WDR35: variants seen among roughly 807,000 people sequenced by gnomAD.
The protein encoded by WDR35 is WD repeat-containing protein 35.
In WDR35, 118 loss-of-function variants were observed where a neutral mutation model predicts 158.3. The ratio of observed to expected loss-of-function variants is 0.75; its 90% CI spans 0.64 to 0.87. WDR35 has a LOEUF of 0.87. Among genes scored for constraint, WDR35 ranks in the 40% least tolerant of loss-of-function variants. WDR35 has a pLI of 0.00. For synonymous variants in WDR35, 448 were observed against 476.1 expected (o/e 0.94, Z 0.77); for missense variants, 1,263 against 1,405.8 (o/e 0.90, Z 1.62).
chr2:19,918,461 A>G (rs1029865312), intron 25 of WDR35, among the ~76,000 whole-genome samples: 11 of 152,210 alleles, frequency 7.2e-5, no homozygotes, highest in Non-Finnish European at 1.2e-4. Context: ...TTGGATAGTC[A>G]AGACCTATTG....
chr2:19,976,813 T>A (rs10197385), intron 5 of WDR35, among the ~76,000 whole-genome samples: 15,754 of 140,104 alleles, frequency 0.11, 921 homozygotes, highest in South Asian at 0.22. Flanking sequence ...ATCCCTTAAA[T>A]GTTGCTGATT....
chr2:19,925,281 A>G (rs1314010731), intron 25 of WDR35, among the ~76,000 whole-genome samples: 1 of 152,248 alleles, frequency 6.6e-6, no homozygotes, highest in Admixed American at 6.5e-5. Context: ...TCAAATTGTT[A>G]TATCTACTTC....
intron 11 of WDR35, among the ~76,000 whole-genome samples, chr2:19,959,247 AAAAC>A (rs149485450): frequency 0.084 from 12,837 of 152,114 alleles, 631 homozygotes; most frequent in East Asian, 0.23. Flanking sequence ...TTATTTTAAA[AAAAC>A]AGTCTACTTG....
chr2:19,917,744 G>T (rs1252247142), intron 25 of WDR35, among the ~76,000 whole-genome samples: 5 of 152,208 alleles, frequency 3.3e-5, no homozygotes, highest in Non-Finnish European at 7.3e-5. Flanking sequence ...ATGGGACTAT[G>T]TGAAAAGGCC....
At chr2:19,978,129 A>T (rs1672267704) in intron 5 of WDR35, among the ~76,000 whole-genome samples, 1 of 152,098 alleles carries the variant, frequency 6.6e-6, no homozygotes, top group Non-Finnish European at 1.5e-5. Context: ...TCCTAAAATG[A>T]TAGCTGTTGC....
At chr2:19,962,891 A>G (rs1316499565) in intron 10 of WDR35, among the ~76,000 whole-genome samples, 1 of 152,160 alleles carries the variant, frequency 6.6e-6, no homozygotes, top group East Asian at 1.9e-4. Context: ...TTTCATTTTT[A>G]TCAGTTATAC....
chr2:19,959,744 C>T (rs1671573388), intron 11 of WDR35, among the ~76,000 whole-genome samples: 1 of 151,056 alleles, frequency 6.6e-6, no homozygotes, highest in Non-Finnish European at 1.5e-5. Context: ...GCTAAATGTC[C>T]AATATGAAAA....
rs75933926 is a variant in WDR35 at position 19,948,073 on chromosome 2, G to A, written c.1524+91C>T. ...CTGCTTCAGCTTCCCAAGTAACTGT[G>A]ATTACAGACATGGGGCACACACCTG... On this transcript the variant is annotated intron_variant, in intron 14 of 26. Coordinates refer to ENST00000281405, the MANE Select transcript of WDR35 (RefSeq NM_020779.4). 55,149 of 1,027,940 alleles carry A rather than the reference G, an allele frequency of 0.054. 1,833 individuals carry two copies. Among genetic ancestry groups the A allele is most frequent in the Non-Finnish European group, 0.062 (43,405 of 699,442 alleles). 63.7% of individuals were successfully genotyped at this position (1,027,940 alleles called of 1,614,324 possible).
chr2:19,913,768 T>G, intron 26 of WDR35, 60 bp from the exon 27 acceptor site: 8 of 1,601,608 alleles, frequency 5.0e-6, no homozygotes, highest in Non-Finnish European at 6.8e-6. Context: ...TCTAACTTTA[T>G]TTAATACACT....
At chr2:19,947,797 T>C (rs949888092) in intron 14 of WDR35, among the ~76,000 whole-genome samples, 4 of 152,198 alleles carry the variant, frequency 2.6e-5, no homozygotes, top group African/African-American at 9.6e-5. Flanking sequence ...AAACTGTAAG[T>C]GTACTCTGTC....
At chr2:19,989,803 G>T (rs1459641940) in intron 1 of WDR35, among the ~76,000 whole-genome samples, 189 bp downstream of exon 1, 1 of 152,164 alleles carries the variant, frequency 6.6e-6, no homozygotes, top group Non-Finnish European at 1.5e-5. Flanking sequence ...CAGCAAGCTC[G>T]GCCAAAGACT....
At position 19,914,054 on chromosome 2, in the gene WDR35, C is replaced by T. The variant is rs746128772; in HGVS notation, c.3345G>A (p.Leu1115=). ...TAGCCTACCCTTCCATAAGGCTGTC[C>T]AATTCAGGTTTTCTGTTATCTTTTG... ...HTSKDNRKPE[L]DSLMEGGEGK... is the part of the protein sequence containing the mutation. The change falls in exon 26 of 27, where the codon TTG becomes TTA. Residue 1115 remains leucine, a synonymous_variant. Transcript: ENST00000281405. 8.1e-6 allele frequency: 13 copies of T among 1,614,082 alleles called. No homozygotes were observed. The highest frequency in any genetic ancestry group is 1.1e-5 in the Non-Finnish European group (13 of 1,179,986).
Position 19,973,629 on chromosome 2 carries a change from G to A in WDR35, c.816C>T (p.Gly272=). ...TGTCCTGCATGGCTGCCTTCTGGAA[G>A]CCTGCCACAGCTAACACGCTGCCCA... ...NHMGSVLAVA[G]FQKAAMQDKD... is the part of the protein sequence containing the mutation. Residue 272 remains glycine, a synonymous_variant, in exon 8 of 27, where the codon GGC becomes GGT. Coordinates refer to ENST00000281405, the MANE Select transcript of WDR35 (RefSeq NM_020779.4). 2 of 1,614,184 alleles carry A rather than the reference G, an allele frequency of 1.2e-6. No individual in the cohort carries two copies. The highest frequency in any genetic ancestry group is 1.7e-5 in the Admixed American group (1 of 60,018).
At chr2:19,914,307 T>A (rs770355059) in intron 25 of WDR35, 30 bp from the exon 26 acceptor site, 42 of 1,612,858 alleles carry the variant, frequency 2.6e-5, no homozygotes, top group African/African-American at 4.0e-5. Context: ...TGGGGTTTTT[T>A]AAAATAATTA....
At chr2:19,984,731 T>C (rs1371949285) in intron 2 of WDR35, among the ~76,000 whole-genome samples, 4 of 152,244 alleles carry the variant, frequency 2.6e-5, no homozygotes, top group Non-Finnish European at 4.4e-5. Flanking sequence ...CACTAAATCT[T>C]TGAGAATCTT....
intron 25 of WDR35, among the ~76,000 whole-genome samples, chr2:19,916,426 A>G: frequency 6.6e-6 from 1 of 152,296 alleles, no homozygotes; most frequent in East Asian, 1.9e-4. Context: ...GAAGCCAGGG[A>G]GCCAAGGGGT....
At chr2:19,981,939 T>TA (rs1411153890) in intron 3 of WDR35, among the ~76,000 whole-genome samples, 3 of 152,234 alleles carry the variant, frequency 2.0e-5, no homozygotes, top group Non-Finnish European at 2.9e-5. Flanking sequence ...TAGATTTATT[T>TA]AAGATGTTGT....
At chr2:19,959,691 C>T (rs1023546741) in intron 11 of WDR35, among the ~76,000 whole-genome samples, 8 of 151,708 alleles carry the variant, frequency 5.3e-5, no homozygotes, top group African/African-American at 1.9e-4. Flanking sequence ...TAGCAAAATG[C>T]AAACACTCAA....
intron 4 of WDR35, among the ~76,000 whole-genome samples, chr2:19,979,418 G>A (rs1346260624): frequency 6.6e-6 from 1 of 152,122 alleles, no homozygotes; most frequent in Non-Finnish European, 1.5e-5. Context: ...CCCTAAGCCT[G>A]CTTGAAAAAA....
Sources: allele counts gnomAD v4.1 joint callset (sites outside exome capture counted in the v4.1 genomes callset), GRCh38; gene constraint gnomAD v4.1.1; transcripts MANE v1.5; gene names NCBI Gene and HGNC (gene_info 2026-07-23, HGNC 2026-07-21).